Variants in PYY observed in about 807,000 individuals in gnomAD.
PYY encodes peptide YY.
PYY carries 12 observed loss-of-function variants against 10.3 expected under a neutral mutation model. The observed-to-expected ratio is 1.17, with a 90% confidence interval of 0.75 to 1.89. The LOEUF is 1.89. PYY is among the 40% of genes most tolerant of loss of function. The pLI is 0.00. For synonymous variants in PYY, 66 were observed against 62.0 expected, an observed-to-expected ratio of 1.06 and a Z score of -0.30; for missense variants, 141 against 134.0, an observed-to-expected ratio of 1.05 and a Z score of -0.26.
intron 2 of PYY, among the ~76,000 whole-genome samples, chr17:43,964,056 T>C (rs1377283074): frequency 1.3e-5 from 2 of 152,140 alleles, no homozygotes; most frequent in African/African-American, 2.4e-5. Context: ...TTCTTTCTTT[T>C]TTTTGGGGCA....
intron 2 of PYY, among the ~76,000 whole-genome samples, chr17:43,961,551 CT>C (rs1021309774): frequency 1.3e-5 from 2 of 151,946 alleles, no homozygotes; most frequent in African/African-American, 2.4e-5. Flanking sequence ...TTTCTTTTTA[CT>C]TTTTTTGAGA....
At position 44,004,013 on chromosome 17, in the gene PYY, C is replaced by G. The variant is rs112224260; in HGVS notation, c.-463+378G>C. Among the ~76,000 whole-genome samples the G allele has an allele frequency of 3.2e-3, 488 of 151,916 alleles. 3 individuals carry two copies. The highest frequency in any genetic ancestry group is 0.011 in the African/African-American group (447 of 41,422). On this transcript the variant is annotated intron_variant, in intron 1 of 6. Coordinates refer to the PYY transcript ENST00000360085. The stretch of plus-strand genomic sequence containing the variant: ...ATCTCAAAAACCAAAATAAAAAACT[C>G]TATTTTATTTTATTTTTACCAGATG...
rs537274370 is a variant in PYY, at chr17:43,961,835, A to G, written c.-217-3807T>C. Among the ~76,000 whole-genome samples the G allele has an allele frequency of 7.3e-4, 110 of 151,386 alleles. 1 individual carries two copies. Among genetic ancestry groups the G allele is most frequent in the African/African-American group, 2.5e-3 (104 of 41,234 alleles). On this transcript the variant is annotated intron_variant, in intron 2 of 6. Coordinates refer to the PYY transcript ENST00000360085. Reference sequence around the variant, plus strand: ...CACCGTGCCCGGCCTGTTTTATTCCATTTTCCCCAACCCTCATGCCAGCCC... The same window carrying G: ...CACCGTGCCCGGCCTGTTTTATTCCGTTTTCCCCAACCCTCATGCCAGCCC...
At chr17:44,000,801 C>T (rs910155805) in intron 1 of PYY, among the ~76,000 whole-genome samples, 3 of 151,890 alleles carry the variant, frequency 2.0e-5, no homozygotes, top group Admixed American at 6.6e-5. Context: ...GTGATCCGCC[C>T]GCCTCAGCCT....
chr17:43,976,427 A>G (rs968782541), intron 1 of PYY, among the ~76,000 whole-genome samples: 35 of 150,380 alleles, frequency 2.3e-4, no homozygotes, highest in African/African-American at 7.8e-4. Flanking sequence ...ACATATACAT[A>G]TATACACATA....
intron 2 of PYY, among the ~76,000 whole-genome samples, chr17:43,960,943 T>G (rs554278922): frequency 6.8e-6 from 1 of 147,550 alleles, no homozygotes; most frequent in Non-Finnish European, 1.5e-5. Flanking sequence ...ATGGTAGAGG[T>G]CAGGTTCCTG....
At chr17:43,980,582 C>A (rs1225145129) in intron 1 of PYY, among the ~76,000 whole-genome samples, 1 of 151,954 alleles carries the variant, frequency 6.6e-6, no homozygotes. Flanking sequence ...TCAAGCAATT[C>A]TCTGCCTTAG....
At chr17:44,002,924 C>T (rs2049039480) in intron 1 of PYY, among the ~76,000 whole-genome samples, 1 of 152,176 alleles carries the variant, frequency 6.6e-6, no homozygotes, top group Non-Finnish European at 1.5e-5. Context: ...ACACATGGCA[C>T]CTGCTAACCT....
intron 2 of PYY, among the ~76,000 whole-genome samples, chr17:43,965,696 G>A (rs1258184108): frequency 7.7e-6 from 1 of 129,868 alleles, no homozygotes; most frequent in Non-Finnish European, 1.6e-5. Context: ...GTTGAGACAG[G>A]AAAATTCCTT....
chr17:43,955,216 G>A (rs143655136), upstream of PYY, among the ~76,000 whole-genome samples: 2 of 152,268 alleles, frequency 1.3e-5, no homozygotes, highest in South Asian at 2.1e-4. Flanking sequence ...AAAGGGCTGT[G>A]GGAAGGTCTC....
In PYY at chr17:43,988,197, C is replaced by T. The variant is rs186076884; in HGVS notation, c.-463+16194G>A. 8.7e-4 allele frequency among the ~76,000 whole-genome samples: 133 copies of T among 152,258 alleles called. 2 individuals carry two copies. The highest frequency in any genetic ancestry group is 3.1e-3 in the African/African-American group (127 of 41,554). On this transcript the variant is annotated intron_variant, in intron 1 of 6. Coordinates refer to the PYY transcript ENST00000360085. ...CTTCATCCTTCCACCAGGGTCTCAT[C>T]CCACTGCCAATCATCAAAATAATTT... is the stretch of plus-strand genomic sequence containing the variant.
chr17:43,963,588 AAGAAAGAAAG>A (rs2048730292), intron 2 of PYY, among the ~76,000 whole-genome samples: 2 of 74,088 alleles, frequency 2.7e-5, no homozygotes, highest in Admixed American at 1.6e-4. Flanking sequence ...GAAAGAAAGA[AAGAAAGAAAG>A]AAAGAAAGAA....
At chr17:43,992,507 T>A (rs981464797) in intron 1 of PYY, among the ~76,000 whole-genome samples, 3 of 151,890 alleles carry the variant, frequency 2.0e-5, no homozygotes, top group Admixed American at 2.0e-4. Context: ...GGGCAGGAGT[T>A]TGAGACCAGC....
upstream of PYY, among the ~76,000 whole-genome samples, chr17:43,957,708 T>C (rs115209409): frequency 0.013 from 2,040 of 152,230 alleles, 45 homozygotes; most frequent in African/African-American, 0.047. Flanking sequence ...ATATGTCTGA[T>C]AAGTGCTATA....
chr17:43,989,148 G>C (rs1777703387), intron 1 of PYY, among the ~76,000 whole-genome samples: 1 of 151,920 alleles, frequency 6.6e-6, no homozygotes, highest in African/African-American at 2.4e-5. Context: ...GCCAAGGCGG[G>C]CGGATCACGA....
intron 2 of PYY, among the ~76,000 whole-genome samples, chr17:43,962,078 AAT>A (rs1334414262): frequency 6.6e-6 from 1 of 152,148 alleles, no homozygotes; most frequent in Non-Finnish European, 1.5e-5. Context: ...CTTCTCTTAC[AAT>A]AGAGTTTAGC....
At chr17:43,988,880 A>G (rs2048932015) in intron 1 of PYY, among the ~76,000 whole-genome samples, 1 of 151,372 alleles carries the variant, frequency 6.6e-6, no homozygotes, top group African/African-American at 2.4e-5. Flanking sequence ...CTCCCACCTC[A>G]GCCTCCGGAA....
In PYY at chr17:43,987,830, TAAA is replaced by T. The variant is rs1477577548; in HGVS notation, c.-463+16558_-463+16560del. Among the ~76,000 whole-genome samples the T allele has an allele frequency of 6.6e-6, 1 of 152,100 alleles. No homozygotes were observed. Among genetic ancestry groups the T allele is most frequent in the Non-Finnish European group, 1.5e-5 (1 of 68,016 alleles). ...CAAAACAAACAGATGAACAGAGAAC[TAAA>T]ATTAGCAATAGGGAGGGAGGAAGGG... On this transcript the variant is annotated intron_variant, in intron 1 of 6. Coordinates refer to the PYY transcript ENST00000360085. This position sits in a 1 kb window ranked among gnomAD's most constrained non-coding sequence, Gnocchi z 4.0.
rs67609128 is a variant in PYY at position 43,965,789 on chromosome 17, C to CAAAAAAAAA, written c.-218+490_-218+498dup. The stretch of plus-strand genomic sequence containing the variant: ...GGCAACAGAGTGAGAATCCATCTCA[C>CAAAAAAAAA]AAAAAAAAAAAAAAAAAAAAAAAAA... On this transcript the variant is annotated intron_variant, in intron 2 of 6. Coordinates refer to the PYY transcript ENST00000360085. Among the ~76,000 whole-genome samples, 68 of 31,932 alleles carry CAAAAAAAAA rather than the reference C, an allele frequency of 2.1e-3. 4 individuals carry two copies. Among genetic ancestry groups the CAAAAAAAAA allele is most frequent in the African/African-American group, 3.8e-3 (33 of 8,762 alleles). 20.9% of individuals were successfully genotyped at this position (31,932 alleles called of 152,430 possible).
Sources: gnomAD v4.1 joint callset for allele counts (sites outside exome capture counted in the v4.1 genomes callset) on GRCh38, gnomAD v4.1.1 for gene constraint, Gnocchi (gnomAD v3.1) non-coding constraint, MANE v1.5 for transcripts, NCBI Gene and HGNC (gene_info 2026-07-23, HGNC 2026-07-21) for gene names.